Variants in CDH13 observed in about 807,000 individuals in gnomAD.
The protein encoded by CDH13 is cadherin-13.
CDH13 carries 24 observed loss-of-function variants against 63.8 expected under a neutral mutation model. That is an observed-to-expected ratio of 0.38 (90% CI 0.27 to 0.53). The LOEUF is 0.53. CDH13 is among the 20% of genes least tolerant of loss of function. The pLI is 0.85. For missense variants in CDH13, 1,049 were observed against 903.1 expected (o/e 1.16, Z -2.07); for synonymous variants, 503 against 355.3 (o/e 1.42, Z -4.67).
intron 4 of CDH13, among the ~76,000 whole-genome samples, chr16:83,128,635 A>C (rs546790783): frequency 2.0e-5 from 3 of 152,210 alleles, no homozygotes; most frequent in Non-Finnish European, 4.4e-5. Context: ...TAGCCATCCT[A>C]TAGTTTTCTT....
chr16:83,118,004 G>A (rs1324018081), intron 3 of CDH13, among the ~76,000 whole-genome samples: 1 of 152,204 alleles, frequency 6.6e-6, no homozygotes, highest in East Asian at 1.9e-4. Context: ...TTTGTGTAGG[G>A]ATGACAGTCC....
At chr16:82,923,404 G>T (rs950043358) in intron 2 of CDH13, among the ~76,000 whole-genome samples, 4 of 152,186 alleles carry the variant, frequency 2.6e-5, no homozygotes, top group Non-Finnish European at 4.4e-5. Context: ...TTGTTCTTAA[G>T]ACTTTAGAGA....
intron 1 of CDH13, among the ~76,000 whole-genome samples, chr16:82,703,396 T>C (rs1280243441): frequency 6.6e-6 from 1 of 152,052 alleles, no homozygotes; most frequent in Non-Finnish European, 1.5e-5. Flanking sequence ...AGGCCAGAAG[T>C]TCTGGAGAAC....
chr16:83,377,396 A>G (rs2091479062), intron 6 of CDH13, among the ~76,000 whole-genome samples: 1 of 152,168 alleles, frequency 6.6e-6, no homozygotes, highest in Non-Finnish European at 1.5e-5. Flanking sequence ...CTCAAAGGCT[A>G]TCTCTCTATG....
intron 5 of CDH13, among the ~76,000 whole-genome samples, chr16:83,222,925 C>T (rs548081903): frequency 6.6e-6 from 1 of 152,126 alleles, no homozygotes; most frequent in South Asian, 2.1e-4. Context: ...TTATGGGGGG[C>T]TGTCCTGTGA....
At chr16:83,392,107 G>T (rs1323825200) in intron 6 of CDH13, among the ~76,000 whole-genome samples, 1 of 152,078 alleles carries the variant, frequency 6.6e-6, no homozygotes, top group Non-Finnish European at 1.5e-5. Context: ...CACTTCGAAA[G>T]CACACCCCTA....
At chr16:82,927,993 A>T (rs1022051152) in intron 2 of CDH13, among the ~76,000 whole-genome samples, 1 of 152,196 alleles carries the variant, frequency 6.6e-6, no homozygotes, top group African/African-American at 2.4e-5. Flanking sequence ...ATTTACATTT[A>T]GTAGCTATGT....
intron 1 of CDH13, among the ~76,000 whole-genome samples, chr16:82,852,892 G>A (rs577883523): frequency 3.9e-5 from 6 of 152,090 alleles, no homozygotes; most frequent in African/African-American, 1.4e-4. Context: ...TACAGTATGG[G>A]AGAGAAAAAG....
In CDH13 at chr16:82,816,359, C is replaced by G. The variant is rs1474719628; in HGVS notation, c.46-42003C>G. Among the ~76,000 whole-genome samples, 2 of 152,120 alleles carry G rather than the reference C, an allele frequency of 1.3e-5. 1 individual carries two copies. Among genetic ancestry groups the G allele is most frequent in the Middle Eastern group, 6.3e-3 (2 of 316 alleles). ...GCAGTGGACACACAGACAAAAATCC[C>G]TACTCTGAAGGAGCTTATATTCCGG... On this transcript the variant is annotated intron_variant, in intron 1 of 13. Transcript: ENST00000567109.
At chr16:82,958,910 T>A (rs1238292291) in intron 2 of CDH13, among the ~76,000 whole-genome samples, 2 of 152,258 alleles carry the variant, frequency 1.3e-5, no homozygotes, top group South Asian at 2.1e-4. Flanking sequence ...AAAGTGGTTA[T>A]GAACGAATGA....
At chr16:83,002,531 A>G (rs1385699335) in intron 2 of CDH13, among the ~76,000 whole-genome samples, 1 of 152,260 alleles carries the variant, frequency 6.6e-6, no homozygotes. Flanking sequence ...GGAAATTAAT[A>G]CAATAGGCTA....
At chr16:82,785,179 A>G (rs1471178898) in intron 1 of CDH13, among the ~76,000 whole-genome samples, 1 of 152,128 alleles carries the variant, frequency 6.6e-6, no homozygotes, top group Non-Finnish European at 1.5e-5. Context: ...GAGAGACATA[A>G]GATAGATTGT....
chr16:83,257,590 A>G (rs943964058), intron 5 of CDH13, among the ~76,000 whole-genome samples: 1 of 152,200 alleles, frequency 6.6e-6, no homozygotes, highest in Non-Finnish European at 1.5e-5. Context: ...AGCAGCACTA[A>G]TCATTTTATT....
intron 7 of CDH13, among the ~76,000 whole-genome samples, chr16:83,551,056 A>C (rs200998037): frequency 6.7e-6 from 1 of 148,354 alleles, no homozygotes; most frequent in Admixed American, 6.7e-5. Context: ...TAAGTCATTT[A>C]TATCTATCTA....
chr16:82,787,386 C>T lies in CDH13; in HGVS notation c.46-70976C>T, dbSNP rs1020107221. Among the ~76,000 whole-genome samples, 3 of 152,112 alleles carry T rather than the reference C, an allele frequency of 2.0e-5. No homozygotes were observed. The East Asian group carries it at 5.8e-4, about 29-fold the overall frequency. The stretch of plus-strand genomic sequence containing the variant: ...CCTGGGGGGTAAACAGAAAACTTGT[C>T]CCATTTGACTCATTTCATTATTTGG... On this transcript the variant is annotated intron_variant, in intron 1 of 13. Coordinates refer to ENST00000567109, the MANE Select transcript of CDH13 (RefSeq NM_001257.5).
intron 6 of CDH13, among the ~76,000 whole-genome samples, chr16:83,345,364 C>A (rs1320298562): frequency 6.6e-6 from 1 of 152,164 alleles, no homozygotes; most frequent in Non-Finnish European, 1.5e-5. Flanking sequence ...ATTGGGTCCC[C>A]ATTACAAACT....
At chr16:83,287,969 A>C (rs1161017250) in intron 5 of CDH13, among the ~76,000 whole-genome samples, 1 of 152,268 alleles carries the variant, frequency 6.6e-6, no homozygotes. Context: ...AAATATGAAC[A>C]TGTTTTAAAA....
In CDH13 at chr16:83,032,150, A is replaced by T; in HGVS notation, c.298A>T (p.Thr100Ser). ...CAAAACTCTGTTCGTCCATGCACGGACCCCCCATGCGGAAGATATGGCAGA... is the reference window on the plus strand; with the variant it reads ...CAAAACTCTGTTCGTCCATGCACGGTCCCCCCATGCGGAAGATATGGCAGA... ...VGKTLFVHARTPHAEDMAELV... is the reference protein window; with the variant it reads ...VGKTLFVHARSPHAEDMAELV... The change falls in exon 3 of 14, where the codon ACC (threonine) becomes TCC (serine). Residue 100 changes from threonine to serine, a missense_variant. Physicochemically the swap from Thr to Ser is moderately conservative, Grantham distance 58. Coordinates refer to ENST00000567109, the MANE Select transcript of CDH13 (RefSeq NM_001257.5). The T allele has an allele frequency of 6.2e-7, 1 of 1,613,454 alleles. No individual in the cohort carries two copies. The highest frequency in any genetic ancestry group is 8.5e-7 in the Non-Finnish European group (1 of 1,179,748).
intron 10 of CDH13, among the ~76,000 whole-genome samples, chr16:83,708,686 T>C (rs541044719): frequency 6.6e-6 from 1 of 152,298 alleles, no homozygotes; most frequent in East Asian, 1.9e-4. Context: ...TTAGACGACC[T>C]TAGATCATCA....
Sources: gnomAD v4.1 joint callset for allele counts (sites outside exome capture counted in the v4.1 genomes callset) on GRCh38, gnomAD v4.1.1 for gene constraint, MANE v1.5 for transcripts, NCBI Gene and HGNC (gene_info 2026-07-23, HGNC 2026-07-21) for gene names.